The following LRRTM4 variants were observed in gnomAD, a reference collection of about 807,000 sequenced individuals.
LRRTM4 encodes leucine rich repeat transmembrane neuronal 4, also known as leucine-rich repeat transmembrane neuronal protein 4.
In LRRTM4, 25 loss-of-function variants were observed where a neutral mutation model predicts 47.6. That is an observed-to-expected ratio of 0.53 (90% CI 0.38 to 0.73). The LOEUF (loss-of-function observed/expected upper bound fraction) is 0.73. Among genes scored for constraint, LRRTM4 ranks in the 30% least tolerant of loss-of-function variants. The probability of loss-of-function intolerance (pLI) is 0.00; values close to 1 mark genes in which losing one functional copy is unlikely to be tolerated. For missense variants in LRRTM4, 638 were observed against 713.4 expected (o/e 0.89, Z 1.20); for synonymous variants, 311 against 269.5 (o/e 1.15, Z -1.51).
intron 3 of LRRTM4, among the ~76,000 whole-genome samples, chr2:76,830,198 T>G (rs1261102617): frequency 6.6e-6 from 1 of 152,054 alleles, no homozygotes; most frequent in Non-Finnish European, 1.5e-5. Flanking sequence ...TTCTTCCATA[T>G]CTATAGTGTA....
intron 3 of LRRTM4, among the ~76,000 whole-genome samples, chr2:77,382,753 T>C (rs1013213022): frequency 2.0e-5 from 3 of 152,106 alleles, no homozygotes; most frequent in African/African-American, 7.2e-5. Flanking sequence ...AATAAATTGA[T>C]CTTGTTAAAA....
intron 3 of LRRTM4, among the ~76,000 whole-genome samples, chr2:77,285,175 A>G (rs1191756704): frequency 5.3e-5 from 8 of 151,688 alleles, no homozygotes; most frequent in African/African-American, 1.9e-4. Flanking sequence ...TTCTTGCAAT[A>G]GAAAGCAACC....
rs531431711 is a variant in LRRTM4 at position 77,367,983 on chromosome 2, C to A, written c.1551+150335G>T. 1.8e-4 allele frequency among the ~76,000 whole-genome samples: 27 copies of A among 151,734 alleles called. No individual in the cohort carries two copies. In the East Asian group the frequency reaches 5.1e-3, roughly 28 times the overall value. The stretch of plus-strand genomic sequence containing the variant: ...CTACATTTTAGGTGCCTTTTTTCAT[C>A]GTTATAAAGCTCCATTGGACATTGT... On this transcript the variant is annotated intron_variant, in intron 3 of 3. Coordinates refer to ENST00000409884, the MANE Select transcript of LRRTM4 (RefSeq NM_001134745.3).
chr2:76,909,737 A>G (rs183191713), intron 3 of LRRTM4, among the ~76,000 whole-genome samples: 74 of 152,340 alleles, frequency 4.9e-4, no homozygotes, highest in African/African-American at 1.7e-3. Context: ...AAAAAAACAC[A>G]TGAAAAAATG....
chr2:76,792,563 A>G (rs1479704026), intron 3 of LRRTM4, among the ~76,000 whole-genome samples: 2 of 151,554 alleles, frequency 1.3e-5, no homozygotes, highest in African/African-American at 2.4e-5. Context: ...GGTAAGTTAT[A>G]TTAATTCTTC....
chr2:77,123,646 T>C (rs1444957682), intron 3 of LRRTM4, among the ~76,000 whole-genome samples: 1 of 152,126 alleles, frequency 6.6e-6, no homozygotes, highest in African/African-American at 2.4e-5. Flanking sequence ...AGGTTTTTTC[T>C]CTTTTAAAAA....
chr2:77,264,996 T>A (rs772292654), intron 3 of LRRTM4, among the ~76,000 whole-genome samples: 1 of 152,132 alleles, frequency 6.6e-6, no homozygotes, highest in Non-Finnish European at 1.5e-5. Flanking sequence ...TTGGAAATTA[T>A]AATGAGCCAT....
chr2:77,068,849 G>GTGGGTTTA (rs1558561056), intron 3 of LRRTM4, among the ~76,000 whole-genome samples: 1 of 152,214 alleles, frequency 6.6e-6, no homozygotes, highest in Non-Finnish European at 1.5e-5. Context: ...CTGGAAGGTT[G>GTGGGTTTA]TGGGTTTACC....
chr2:77,081,202 TTC>T (rs973730938), intron 3 of LRRTM4, among the ~76,000 whole-genome samples: 6 of 150,026 alleles, frequency 4.0e-5, no homozygotes, highest in African/African-American at 1.5e-4. Context: ...CAGTAATTGT[TTC>T]TGTTCCCTAA....
At chr2:77,072,643 C>A (rs1300976429) in intron 3 of LRRTM4, among the ~76,000 whole-genome samples, 1 of 151,612 alleles carries the variant, frequency 6.6e-6, no homozygotes, top group Non-Finnish European at 1.5e-5. Context: ...ACTAGGTATA[C>A]AGAAAATTAG....
chr2:77,505,821 A>T (rs1678746538), intron 3 of LRRTM4, among the ~76,000 whole-genome samples: 1 of 151,650 alleles, frequency 6.6e-6, no homozygotes, highest in African/African-American at 2.4e-5. Context: ...AAGGAATGAT[A>T]TAAATCGAGC....
At chr2:77,083,793 T>G (rs1680611307) in intron 3 of LRRTM4, among the ~76,000 whole-genome samples, 2 of 66,450 alleles carry the variant, frequency 3.0e-5, no homozygotes, top group South Asian at 7.9e-4. Context: ...CTTTTTTTTT[T>G]TTTTTTTTTT....
intron 3 of LRRTM4, among the ~76,000 whole-genome samples, chr2:76,831,720 T>G (rs1671356702): frequency 6.6e-6 from 1 of 152,134 alleles, no homozygotes; most frequent in Non-Finnish European, 1.5e-5. Context: ...AGAAAGAATA[T>G]TAGAACACTA....
intron 3 of LRRTM4, among the ~76,000 whole-genome samples, chr2:77,457,938 T>G (rs1676624064): frequency 6.6e-6 from 1 of 152,154 alleles, no homozygotes; most frequent in Non-Finnish European, 1.5e-5. Context: ...CACTCTGGCT[T>G]CAGTGCAGAC....
intron 3 of LRRTM4, among the ~76,000 whole-genome samples, chr2:76,864,592 G>A (rs910287660): frequency 4.0e-5 from 6 of 151,758 alleles, no homozygotes; most frequent in East Asian, 3.9e-4. Context: ...AGGAGGTGGC[G>A]GAGGTTGCAG....
At chr2:77,140,755 C>T (rs969285914) in intron 3 of LRRTM4, among the ~76,000 whole-genome samples, 74 of 152,158 alleles carry the variant, frequency 4.9e-4, no homozygotes, top group African/African-American at 1.7e-3. Flanking sequence ...CCAGAATCTG[C>T]AATGAACTCC....
intron 3 of LRRTM4, among the ~76,000 whole-genome samples, chr2:77,208,222 C>T (rs550022249): frequency 6.6e-6 from 1 of 152,124 alleles, no homozygotes; most frequent in East Asian, 1.9e-4. Flanking sequence ...GTGGGGAAGA[C>T]AAACAATTGA....
intron 3 of LRRTM4, among the ~76,000 whole-genome samples, chr2:77,157,446 A>G (rs1385093483): frequency 3.3e-5 from 5 of 152,146 alleles, no homozygotes; most frequent in African/African-American, 1.2e-4. Flanking sequence ...TTGTATAGAC[A>G]TCTTGATTAT....
chr2:77,349,682 T>C (rs185052133), intron 3 of LRRTM4, among the ~76,000 whole-genome samples: 91 of 152,208 alleles, frequency 6.0e-4, no homozygotes, highest in African/African-American at 2.0e-3. Flanking sequence ...AGAAAACACA[T>C]AAATTTACTG....
Sources: allele counts gnomAD v4.1 joint callset (sites outside exome capture counted in the v4.1 genomes callset), GRCh38; gene constraint gnomAD v4.1.1; transcripts MANE v1.5; gene names NCBI Gene and HGNC (gene_info 2026-07-23, HGNC 2026-07-21).